CHRM5: variants seen among roughly 807,000 people sequenced by gnomAD.
CHRM5 encodes the protein muscarinic acetylcholine receptor M5.
In CHRM5, 18 loss-of-function variants were observed where a neutral mutation model predicts 39.0. That is an observed-to-expected ratio of 0.46 (90% CI 0.32 to 0.68). The LOEUF is 0.68. Among genes scored for constraint, CHRM5 ranks in the 30% least tolerant of loss-of-function variants. The pLI is 0.04. For synonymous variants in CHRM5, 241 were observed against 246.3 expected, an observed-to-expected ratio of 0.98 and a Z score of 0.20; for missense variants, 515 against 651.1, an observed-to-expected ratio of 0.79 and a Z score of 2.28.
At chr15:34,006,963 G>T in intron 1 of CHRM5, 1 of 638,530 alleles carries the variant, frequency 1.6e-6, no homozygotes, top group Non-Finnish European at 1.9e-6. Context: ...AAAACAAGGT[G>T]AAAACTATAA....
rs774144298 is a variant in CHRM5, at chr15:34,067,061, C to T, written c.*2745C>T. On this transcript the variant is annotated 3_prime_UTR_variant, in exon 3 of 3. Transcript: ENST00000383263. ...CATGGCCTGACTTGAGATCTTAGGCCTTCTATGCCCCCAGTCTTCCAGGCT... is the reference window on the plus strand; with the variant it reads ...CATGGCCTGACTTGAGATCTTAGGCTTTCTATGCCCCCAGTCTTCCAGGCT... 5 of 152,128 alleles carry T rather than the reference C, an allele frequency of 3.3e-5. No individual in the cohort carries two copies. Among genetic ancestry groups the T allele is most frequent in the Non-Finnish European group, 7.3e-5 (5 of 68,030 alleles). The allele number at this position is 152,128 out of a possible 1,614,324, so 9.4% of individuals were successfully genotyped here. A position where few individuals can be genotyped will look rare whatever the true frequency, so the allele number is the denominator to read the frequency against.
chr15:34,062,572 A>AAAAC, intron 2 of CHRM5, 71 bp from the exon 3 acceptor site: 14 of 657,334 alleles, frequency 2.1e-5, no homozygotes, highest in Non-Finnish European at 2.6e-5. Flanking sequence ...AAAAAAAAAA[A>AAAAC]AACTATAAAC....
intron 1 of CHRM5, among the ~76,000 whole-genome samples, chr15:34,045,814 C>G (rs1899662477): frequency 6.6e-6 from 1 of 152,166 alleles, no homozygotes; most frequent in Admixed American, 6.5e-5. Context: ...ACAGGGTTAC[C>G]TTCTTTGATT....
At chr15:34,015,348 T>G (rs1897845512) in intron 1 of CHRM5, among the ~76,000 whole-genome samples, 1 of 151,896 alleles carries the variant, frequency 6.6e-6, no homozygotes, top group East Asian at 1.9e-4. Flanking sequence ...CCAGGTGCGG[T>G]GGCGGGCACC....
chr15:33,996,816 C>A (rs982507960), intron 1 of CHRM5, among the ~76,000 whole-genome samples: 42 of 152,208 alleles, frequency 2.8e-4, no homozygotes, highest in African/African-American at 8.7e-4. Context: ...AGGAACGCAG[C>A]TCCTCGCTAG....
chr15:34,054,587 A>G (rs1269526871), intron 2 of CHRM5, among the ~76,000 whole-genome samples: 3 of 152,186 alleles, frequency 2.0e-5, no homozygotes, highest in Non-Finnish European at 4.4e-5. Context: ...CAGAAAACGA[A>G]AACTAAACAC....
chr15:34,049,141 C>T (rs769029135), intron 2 of CHRM5, among the ~76,000 whole-genome samples: 1 of 152,124 alleles, frequency 6.6e-6, no homozygotes, highest in Non-Finnish European at 1.5e-5. Context: ...AGACAGAGTG[C>T]GTCTCTGCCT....
intron 2 of CHRM5, among the ~76,000 whole-genome samples, chr15:34,059,706 C>A (rs1356184754): frequency 6.6e-6 from 1 of 152,212 alleles, no homozygotes; most frequent in African/African-American, 2.4e-5. Flanking sequence ...GCATCCCCAG[C>A]CTCCACCCAC....
chr15:33,997,663 A>G (rs1443394948), intron 1 of CHRM5, among the ~76,000 whole-genome samples: 1 of 152,052 alleles, frequency 6.6e-6, no homozygotes, highest in Non-Finnish European at 1.5e-5. Flanking sequence ...TGTGATCCCA[A>G]TATCTTTTTA....
intron 1 of CHRM5, among the ~76,000 whole-genome samples, chr15:33,993,993 G>A (rs1230449720): frequency 6.6e-6 from 1 of 152,136 alleles, no homozygotes; most frequent in Admixed American, 6.5e-5. Flanking sequence ...GCTTCCATCT[G>A]AGGCTCTTCT....
chr15:34,028,796 A>G (rs2632075), intron 1 of CHRM5, among the ~76,000 whole-genome samples: 97,430 of 151,810 alleles, frequency 0.64, 36,617 homozygotes, highest in Non-Finnish European at 0.85. Context: ...GGGTGAGAAG[A>G]TAGGATTCTA....
chr15:33,972,952 C>T (rs933331945), intron 1 of CHRM5, among the ~76,000 whole-genome samples: 1 of 152,214 alleles, frequency 6.6e-6, no homozygotes, highest in African/African-American at 2.4e-5. Flanking sequence ...TACAGTTACA[C>T]AGATTGCTTG....
chr15:33,993,346 A>G (rs1896805770), intron 1 of CHRM5, among the ~76,000 whole-genome samples: 1 of 152,176 alleles, frequency 6.6e-6, no homozygotes, highest in East Asian at 1.9e-4. Flanking sequence ...AAGACACCTA[A>G]AGACTCACAA....
rs1488035823 is a variant in CHRM5 at position 34,046,599 on chromosome 15, T to G, written c.-348T>G. The G allele has an allele frequency of 6.6e-6, 1 of 152,140 alleles. No homozygotes were observed. The highest frequency in any genetic ancestry group is 1.5e-5 in the Non-Finnish European group (1 of 68,018). The allele number at this position is 152,140 out of a possible 1,614,324, so 9.4% of individuals were successfully genotyped here. A position where few individuals can be genotyped will look rare whatever the true frequency, so the allele number is the denominator to read the frequency against. ...AAATATGGTACATGGATCAGTAGCA[T>G]CAAGAATACTCAGGAGCTTTTCAGA... On this transcript the variant is annotated 5_prime_UTR_variant, in exon 2 of 3. Transcript: ENST00000383263.
chr15:34,001,885 A>G (rs538134641), intron 1 of CHRM5, among the ~76,000 whole-genome samples: 20 of 152,312 alleles, frequency 1.3e-4, no homozygotes, highest in Non-Finnish European at 2.2e-4. Context: ...AGCAACATCA[A>G]AGTCATGAGG....
At chr15:34,018,949 A>T (rs1453610827) in intron 1 of CHRM5, among the ~76,000 whole-genome samples, 3 of 151,806 alleles carry the variant, frequency 2.0e-5, no homozygotes, top group African/African-American at 7.3e-5. Flanking sequence ...ACAATCCTTC[A>T]GCTAGACACA....
At chr15:34,038,743 A>G (rs1597379394) in intron 1 of CHRM5, 3 of 1,143,814 alleles carry the variant, frequency 2.6e-6, no homozygotes, top group South Asian at 8.5e-5. Flanking sequence ...TGCCCCAGTT[A>G]CACGCGGTCC....
intron 2 of CHRM5, among the ~76,000 whole-genome samples, chr15:34,049,905 T>TG (rs1555520467): frequency 1.3e-5 from 2 of 150,668 alleles, no homozygotes; most frequent in Non-Finnish European, 3.0e-5. Context: ...TTTTTTTTTT[T>TG]GAGACAGGAT....
intron 1 of CHRM5, among the ~76,000 whole-genome samples, chr15:33,969,421 CT>C (rs1341005914): frequency 2.0e-5 from 3 of 151,498 alleles, no homozygotes; most frequent in African/African-American, 4.8e-5. Context: ...TATTTAATAG[CT>C]TGAAAAAAAT....
Sources: allele counts gnomAD v4.1 joint callset (sites outside exome capture counted in the v4.1 genomes callset), GRCh38; gene constraint gnomAD v4.1.1; transcripts MANE v1.5; gene names NCBI Gene and HGNC (gene_info 2026-07-23, HGNC 2026-07-21).